Variants in CSNK2A1 observed in about 807,000 individuals in gnomAD.
CSNK2A1 encodes the protein casein kinase 2 alpha 1.
In CSNK2A1, 10 loss-of-function variants were observed where a neutral mutation model predicts 62.9. The observed-to-expected ratio is 0.16, with a 90% CI of 0.10 to 0.27. The LOEUF is 0.27. CSNK2A1 is among the 10% of genes least tolerant of loss of function. The pLI is 1.00. For synonymous variants in CSNK2A1, 124 were observed against 167.8 expected, an observed-to-expected ratio of 0.74 and a Z score of 2.02; for missense variants, 160 against 492.0, an observed-to-expected ratio of 0.33 and a Z score of 6.38.
intron 9 of CSNK2A1, among the ~76,000 whole-genome samples, chr20:490,335 C>CTTTCTT (rs1555762286): frequency 9.4e-5 from 8 of 84,802 alleles, no homozygotes; most frequent in East Asian, 6.8e-4. Flanking sequence ...CTAGTTTTTT[C>CTTTCTT]TTTTTTTTTT....
intron 8 of CSNK2A1, among the ~76,000 whole-genome samples, chr20:493,423 A>T (rs938526446): frequency 6.6e-6 from 1 of 152,082 alleles, no homozygotes; most frequent in Non-Finnish European, 1.5e-5. Context: ...TAGTTATTTT[A>T]AAAATAATTA....
intron 2 of CSNK2A1, among the ~76,000 whole-genome samples, chr20:512,413 A>G (rs933478490): frequency 6.6e-6 from 1 of 152,088 alleles, no homozygotes; most frequent in African/African-American, 2.4e-5. Flanking sequence ...TTGACGATGC[A>G]TTTGTTAACT....
At chr20:494,987 C>A (rs963862310) in intron 8 of CSNK2A1, 8 of 152,190 alleles carry the variant, frequency 5.3e-5, no homozygotes, top group Non-Finnish European at 8.8e-5. Context: ...ATTCCCTATT[C>A]GTTTTTTCTT....
chr20:519,874 T>C (rs933678071), intron 2 of CSNK2A1, among the ~76,000 whole-genome samples: 2 of 152,126 alleles, frequency 1.3e-5, no homozygotes, highest in African/African-American at 4.8e-5. Context: ...CTTTAAAACA[T>C]AGAATACATA....
chr20:493,025 T>C (rs770157377), intron 8 of CSNK2A1, among the ~76,000 whole-genome samples: 87 of 152,230 alleles, frequency 5.7e-4, no homozygotes, highest in Non-Finnish European at 7.2e-4. Flanking sequence ...GTGCCAGCAG[T>C]AGGCCCTGAG....
In CSNK2A1 at chr20:477,678, G is replaced by A. The variant is rs2017874911; in HGVS notation, c.*6283C>T. On this transcript the variant is annotated 3_prime_UTR_variant, in exon 14 of 14. Coordinates refer to ENST00000217244, the MANE Select transcript of CSNK2A1 (RefSeq NM_177559.3). ...AGGCCCACCTATACCCAGACCCAGT[G>A]TCTTGGAAGCACTGACTTTAATACC... 1 of 152,276 alleles carries A rather than the reference G, an allele frequency of 6.6e-6. No homozygotes were observed. The highest frequency in any genetic ancestry group is 1.5e-5 in the Non-Finnish European group (1 of 68,144). 9.4% of individuals were successfully genotyped at this position (152,276 alleles called of 1,614,324 possible). A position where few individuals can be genotyped will look rare whatever the true frequency, so the allele number is the denominator to read the frequency against.
intron 1 of CSNK2A1, among the ~76,000 whole-genome samples, chr20:534,373 A>T (rs2019269889): frequency 6.6e-6 from 1 of 152,212 alleles, no homozygotes; most frequent in Non-Finnish European, 1.5e-5. Flanking sequence ...AGTTTCAATA[A>T]TCAGGTTTCT....
intron 1 of CSNK2A1, among the ~76,000 whole-genome samples, chr20:541,838 TTTC>T (rs2019457224): frequency 6.6e-6 from 1 of 152,252 alleles, no homozygotes; most frequent in Non-Finnish European, 1.5e-5. Flanking sequence ...TCTTGCATTC[TTTC>T]TTCAAGTCAT....
At chr20:534,448 A>G (rs544218653) in intron 1 of CSNK2A1, among the ~76,000 whole-genome samples, 2 of 152,318 alleles carry the variant, frequency 1.3e-5, no homozygotes, top group East Asian at 3.9e-4. Context: ...CAGATTTTAA[A>G]TGATGGAAAA....
At chr20:542,682 C>T (rs1393429124) in intron 1 of CSNK2A1, among the ~76,000 whole-genome samples, 4 of 152,236 alleles carry the variant, frequency 2.6e-5, no homozygotes, top group African/African-American at 9.6e-5. Context: ...CCACCCGCCT[C>T]GGCCTCCCAG....
In CSNK2A1 at chr20:505,139, T is replaced by C. The variant is rs55924551; in HGVS notation, c.192A>G (p.Lys64=). Residue 64 remains lysine, a synonymous_variant, in exon 4 of 14, where the codon AAA becomes AAG. Coordinates refer to ENST00000217244, the MANE Select transcript of CSNK2A1 (RefSeq NM_177559.3). ...TCACCTTGAGAATTTTAACAACAAC[T>C]TTTTCATTATTTGTGATGTTGATGG... ...FEAINITNNE[K]VVVKILKPVK... is the part of the protein sequence containing the mutation. The C allele has an allele frequency of 1.9e-6, 3 of 1,612,334 alleles. No homozygotes were observed. The highest frequency in any genetic ancestry group is 4.5e-5 in the East Asian group (2 of 44,814).
At chr20:519,873 A>G (rs912908825) in intron 2 of CSNK2A1, among the ~76,000 whole-genome samples, 2 of 152,232 alleles carry the variant, frequency 1.3e-5, no homozygotes, top group African/African-American at 2.4e-5. Flanking sequence ...GCTTTAAAAC[A>G]TAGAATACAT....
intron 8 of CSNK2A1, chr20:494,191 C>G (rs1031727483): frequency 2.0e-5 from 3 of 152,166 alleles, no homozygotes; most frequent in Admixed American, 6.5e-5. Context: ...CCAGGCCCGG[C>G]TAATTTTTGT....
In CSNK2A1 at chr20:482,363, T is replaced by A. The variant is rs539167981; in HGVS notation, c.*1598A>T. 6.6e-6 allele frequency: 1 copy of A among 152,286 alleles called. No homozygotes were observed. The highest frequency in any genetic ancestry group is 2.1e-4 in the South Asian group (1 of 4,828). 9.4% of individuals were successfully genotyped at this position (152,286 alleles called of 1,614,324 possible). ...TAGGCTTCCTCAGTGAAGCACCTGA[T>A]AAACTTAGGTGGTTGGATTACAGTG... On this transcript the variant is annotated 3_prime_UTR_variant, in exon 14 of 14. Coordinates refer to ENST00000217244, the MANE Select transcript of CSNK2A1 (RefSeq NM_177559.3).
Position 479,437 on chromosome 20 carries a change from G to A in CSNK2A1, c.*4524C>T, listed in dbSNP as rs1310611462. 2.0e-5 allele frequency: 3 copies of A among 152,176 alleles called. No homozygotes were observed. Among genetic ancestry groups the A allele is most frequent in the Non-Finnish European group, 4.4e-5 (3 of 68,036 alleles). 9.4% of individuals were successfully genotyped at this position (152,176 alleles called of 1,614,324 possible). On this transcript the variant is annotated 3_prime_UTR_variant, in exon 14 of 14. Transcript: ENST00000217244. The stretch of plus-strand genomic sequence containing the variant: ...GCAAAAAGGGGGCTTGGTCTGTATT[G>A]GCAATGGAAATTCAACTTGGGTGGT...
At chr20:537,993 GCT>G (rs1246776323) in intron 1 of CSNK2A1, among the ~76,000 whole-genome samples, 1 of 140,008 alleles carries the variant, frequency 7.1e-6, no homozygotes, top group Non-Finnish European at 1.5e-5. Context: ...ACGGAGTCTT[GCT>G]CTGTCCCCCA....
In CSNK2A1 at chr20:503,024, T is replaced by C. The variant is rs904817279; in HGVS notation, c.213+2094A>G. On this transcript the variant is annotated intron_variant, in intron 4 of 13. Coordinates refer to ENST00000217244, the MANE Select transcript of CSNK2A1 (RefSeq NM_177559.3). The stretch of plus-strand genomic sequence containing the variant: ...AGACCCACTATGCATGCTTTTCATG[T>C]GGCTCTAAATAATAATATATCACCT... 3 of 152,580 alleles carry C rather than the reference T, an allele frequency of 2.0e-5. No homozygotes were observed. In the South Asian group the frequency reaches 6.2e-4, roughly 32 times the overall value. The allele number at this position is 152,580 out of a possible 1,614,324, so 9.5% of individuals were successfully genotyped here.
In CSNK2A1 at chr20:478,765, CAAAA is replaced by C. The variant is rs750062577; in HGVS notation, c.*5192_*5195del. The C allele has an allele frequency of 2.6e-3, 447 of 175,104 alleles. No homozygotes were observed. Among genetic ancestry groups the C allele is most frequent in the South Asian group, 5.5e-3 (118 of 21,356 alleles). The allele number at this position is 175,104 out of a possible 1,614,324, so 10.8% of individuals were successfully genotyped here. A position where few individuals can be genotyped will look rare whatever the true frequency, so the allele number is the denominator to read the frequency against. On this transcript the variant is annotated 3_prime_UTR_variant, in exon 14 of 14. Transcript: ENST00000217244. ...CAACACGGCAAAACTTCATCTCTACCAAAAAAAAAAAAAAAAAAATTAGCCAAGC... is the reference window on the plus strand; with the variant it reads ...CAACACGGCAAAACTTCATCTCTACCAAAAAAAAAAAAAAATTAGCCAAGC...
chr20:539,321 T>C (rs1207603427), intron 1 of CSNK2A1: 3 of 152,234 alleles, frequency 2.0e-5, no homozygotes, highest in Non-Finnish European at 4.4e-5. Context: ...TGGCTGAATT[T>C]AGTTCCTTGC....
Sources: gnomAD v4.1 joint callset for allele counts (sites outside exome capture counted in the v4.1 genomes callset) on GRCh38, gnomAD v4.1.1 for gene constraint, MANE v1.5 for transcripts, NCBI Gene and HGNC (gene_info 2026-07-23, HGNC 2026-07-21) for gene names.